FAM174A: variants seen among roughly 807,000 people sequenced by gnomAD.
The protein encoded by FAM174A is family with sequence similarity 174 member A.
A neutral mutation model predicts 14.3 loss-of-function variants in FAM174A; 14 were observed. That is an observed-to-expected ratio of 0.98 (90% CI 0.65 to 1.53). The LOEUF is 1.53. Among genes scored for constraint, FAM174A ranks in the 40% most tolerant of loss-of-function variants. FAM174A has a pLI of 0.00. For synonymous variants in FAM174A, 108 were observed against 111.4 expected (o/e 0.97, Z 0.19); for missense variants, 241 against 249.6 (o/e 0.97, Z 0.23).
At chr5:100,564,391 G>C (rs898757958) in intron 2 of FAM174A, among the ~76,000 whole-genome samples, 3 of 151,690 alleles carry the variant, frequency 2.0e-5, no homozygotes, top group African/African-American at 7.3e-5. Flanking sequence ...ATTGCTAGGA[G>C]AGAAGTTTAT....
At chr5:100,560,696 G>C (rs546103257) in intron 1 of FAM174A, among the ~76,000 whole-genome samples, 1 of 152,174 alleles carries the variant, frequency 6.6e-6, no homozygotes, top group South Asian at 2.1e-4. Context: ...GGAGTCTCAT[G>C]TTGCTCTTTA....
At chr5:100,582,411 G>C (rs570152352) in intron 2 of FAM174A, among the ~76,000 whole-genome samples, 1 of 151,624 alleles carries the variant, frequency 6.6e-6, no homozygotes, top group Non-Finnish European at 1.5e-5. Flanking sequence ...TTCCAATGAA[G>C]TTCTAAATGT....
chr5:100,586,094 C>T, intron 2 of FAM174A, 87 bp from the exon 3 acceptor site: 1 of 628,776 alleles, frequency 1.6e-6, no homozygotes, highest in East Asian at 2.9e-5. Flanking sequence ...ATTCTTCCTT[C>T]CCCTCCAAAT....
At chr5:100,570,140 G>T (rs571443500) in intron 2 of FAM174A, among the ~76,000 whole-genome samples, 1 of 151,754 alleles carries the variant, frequency 6.6e-6, no homozygotes, top group Non-Finnish European at 1.5e-5. Context: ...AAACACAGAG[G>T]TCGGGTGACT....
At chr5:100,564,641 A>G (rs1225366395) in intron 2 of FAM174A, among the ~76,000 whole-genome samples, 1 of 151,822 alleles carries the variant, frequency 6.6e-6, no homozygotes, top group African/African-American at 2.4e-5. Flanking sequence ...CATTAGCTAG[A>G]CTAAGCAAAA....
intron 2 of FAM174A, among the ~76,000 whole-genome samples, chr5:100,570,096 TTC>T (rs768912568): frequency 3.9e-5 from 6 of 151,958 alleles, no homozygotes; most frequent in Non-Finnish European, 7.4e-5. Flanking sequence ...CTCACACTAA[TTC>T]TAGACATCTG....
At chr5:100,543,054 A>G (rs935109493) in intron 1 of FAM174A, among the ~76,000 whole-genome samples, 1 of 152,144 alleles carries the variant, frequency 6.6e-6, no homozygotes, top group African/African-American at 2.4e-5. Context: ...TGATCACACT[A>G]CTGCACTCCA....
chr5:100,535,885 C>T lies in FAM174A; in HGVS notation c.355C>T (p.Pro119Ser), dbSNP rs375418043. 25 of 1,613,052 alleles carry T rather than the reference C, an allele frequency of 1.5e-5. No homozygotes were observed. The South Asian group carries it at 2.5e-4, about 16-fold the overall frequency. Reference protein sequence around the residue: ...LAVSPNPGDKPMTQRALTVLM... With the variant: ...LAVSPNPGDKSMTQRALTVLM... Reference sequence around the variant, plus strand: ...TGTGAGCCCCAACCCTGGCGACAAGCCCATGACCCAGCGGGCCCTGACCGT... The same window carrying T: ...TGTGAGCCCCAACCCTGGCGACAAGTCCATGACCCAGCGGGCCCTGACCGT... Residue 119 changes from proline to serine, a missense_variant, in exon 1 of 3, where the codon CCC becomes TCC. Coordinates refer to ENST00000312637, the MANE Select transcript of FAM174A (RefSeq NM_198507.3).
chr5:100,585,123 G>T (rs538376220), intron 2 of FAM174A, among the ~76,000 whole-genome samples: 1 of 152,090 alleles, frequency 6.6e-6, no homozygotes. Flanking sequence ...TACCAACAAC[G>T]CTTGAGCTCA....
At chr5:100,576,705 C>T (rs901183086) in intron 2 of FAM174A, among the ~76,000 whole-genome samples, 12 of 152,000 alleles carry the variant, frequency 7.9e-5, no homozygotes, top group African/African-American at 1.7e-4. Context: ...AAGTTCAATA[C>T]AGTCAAATGG....
intron 1 of FAM174A, among the ~76,000 whole-genome samples, chr5:100,541,363 A>G (rs1468082972): frequency 6.6e-6 from 1 of 152,146 alleles, no homozygotes; most frequent in Non-Finnish European, 1.5e-5. Flanking sequence ...AACATAACAA[A>G]AACTATTATA....
At position 100,535,730 on chromosome 5, in the gene FAM174A, G is replaced by T; in HGVS notation, c.200G>T (p.Gly67Val). Residue 67 changes from glycine to valine, a missense_variant, in exon 1 of 3, where the codon GGC becomes GTC. Transcript: ENST00000312637. ...PPGPTPAQQPGRGLAEAAGPR... is the reference protein window; with the variant it reads ...PPGPTPAQQPVRGLAEAAGPR... ...GGCCCTACCCCTGCCCAGCAGCCGG[G>T]CCGTGGTCTGGCTGAAGCTGCGGGG... The T allele has an allele frequency of 6.2e-7, 1 of 1,604,668 alleles. No homozygotes were observed.
At chr5:100,572,327 T>C (rs1746803317) in intron 2 of FAM174A, among the ~76,000 whole-genome samples, 1 of 150,888 alleles carries the variant, frequency 6.6e-6, no homozygotes, top group African/African-American at 2.5e-5. Context: ...TGTATACATG[T>C]GCCATGCTGG....
intron 1 of FAM174A, among the ~76,000 whole-genome samples, chr5:100,545,434 G>A (rs1048161774): frequency 3.3e-5 from 5 of 152,162 alleles, no homozygotes; most frequent in Admixed American, 3.3e-4. Flanking sequence ...GAAGAAGAAA[G>A]TGGTATAGAG....
At chr5:100,579,883 C>T (rs1746978172) in intron 2 of FAM174A, among the ~76,000 whole-genome samples, 1 of 152,068 alleles carries the variant, frequency 6.6e-6, no homozygotes, top group South Asian at 2.1e-4. Flanking sequence ...TTTCATTTAT[C>T]CAGGGTATCT....
At chr5:100,584,640 T>G (rs976450533) in intron 2 of FAM174A, among the ~76,000 whole-genome samples, 1 of 152,222 alleles carries the variant, frequency 6.6e-6, no homozygotes, top group African/African-American at 2.4e-5. Flanking sequence ...GTCTGTAGGT[T>G]TGCATTTCTT....
At chr5:100,560,482 T>C (rs550785635) in intron 1 of FAM174A, among the ~76,000 whole-genome samples, 28 of 152,224 alleles carry the variant, frequency 1.8e-4, no homozygotes, top group African/African-American at 6.7e-4. Flanking sequence ...TCCATCACTT[T>C]AGACGTGTAT....
At chr5:100,571,460 G>A (rs1746777289) in intron 2 of FAM174A, among the ~76,000 whole-genome samples, 1 of 150,800 alleles carries the variant, frequency 6.6e-6, no homozygotes, top group South Asian at 2.1e-4. Context: ...ATAATACACT[G>A]GACTTTAGAA....
chr5:100,550,201 A>G (rs1344685719), intron 1 of FAM174A, among the ~76,000 whole-genome samples: 2 of 152,196 alleles, frequency 1.3e-5, no homozygotes, highest in Non-Finnish European at 1.5e-5. Flanking sequence ...ATCATGCCTA[A>G]AACATCCTAA....
Sources: gnomAD v4.1 joint callset for allele counts (sites outside exome capture counted in the v4.1 genomes callset) on GRCh38, gnomAD v4.1.1 for gene constraint, MANE v1.5 for transcripts, NCBI Gene and HGNC (gene_info 2026-07-23, HGNC 2026-07-21) for gene names.